TPT1: variants seen among roughly 807,000 people sequenced by gnomAD.
TPT1 encodes translationally-controlled tumor protein.
Under a neutral mutation model 22.8 loss-of-function variants are expected in TPT1, and 5 were observed. The observed-to-expected ratio is 0.22, with a 90% confidence interval of 0.11 to 0.46. The LOEUF (loss-of-function observed/expected upper bound fraction) is 0.46. Among genes scored for constraint, TPT1 ranks in the 20% least tolerant of loss-of-function variants. The pLI, the probability that TPT1 is intolerant of heterozygous loss-of-function variation, is 0.99. For missense variants in TPT1, 130 were observed against 218.7 expected (o/e 0.59, Z 2.56); for synonymous variants, 89 against 73.6 (o/e 1.21, Z -1.07).
At chr13:45,340,206 T>C (rs1350989012) in intron 2 of TPT1, 22 bp from the exon 3 acceptor site, 3 of 1,598,694 alleles carry the variant, frequency 1.9e-6, no homozygotes, top group East Asian at 4.5e-5. Context: ...AAAAGCAGTA[T>C]AATTGCAAAA....
intron 1 of TPT1, 58 bp from the exon 2 acceptor site, chr13:45,340,843 T>A: frequency 6.7e-7 from 1 of 1,484,314 alleles, no homozygotes; most frequent in South Asian, 1.4e-5. Context: ...TTTCCCGCAT[T>A]TCCCGCGCCG....
At position 45,340,754 on chromosome 13, in the gene TPT1, G is replaced by C. The variant is rs11552496; in HGVS notation, c.60C>G (p.Ile20Met). ...HDEMFSDIYK[I>M]REIADGLCLE... is the part of the protein sequence containing the mutation. ...GGCACAACCCGTCCGCGATCTCCCGGATCTTGTAGATGTCGGAGAACATCT... is the reference window on the plus strand; with the variant it reads ...GGCACAACCCGTCCGCGATCTCCCGCATCTTGTAGATGTCGGAGAACATCT... The change falls in exon 2 of 6, where the codon ATC (isoleucine) becomes ATG (methionine). Residue 20 changes from isoleucine to methionine, a missense_variant. Ile to Met is a conservative substitution (Grantham distance 10, BLOSUM62 1). Coordinates refer to ENST00000530705, the MANE Select transcript of TPT1 (RefSeq NM_003295.4). The C allele has an allele frequency of 3.9e-6, 6 of 1,519,492 alleles. No individual in the cohort carries two copies. Among genetic ancestry groups the C allele is most frequent in the Non-Finnish European group, 5.3e-6 (6 of 1,134,984 alleles). 94.1% of individuals were successfully genotyped at this position (1,519,492 alleles called of 1,614,324 possible).
intron 5 of TPT1, chr13:45,337,659 T>C (rs1408703850): frequency 8.5e-7 from 1 of 1,173,458 alleles, no homozygotes; most frequent in Non-Finnish European, 1.3e-6. Context: ...GGCTGTGGCA[T>C]GTACCACCCA....
At position 45,335,308 on chromosome 13, in the gene TPT1, C is replaced by T. The variant is rs926723056; in HGVS notation, c.*2078G>A. The T allele has an allele frequency of 6.6e-6, 1 of 152,110 alleles. No homozygotes were observed. 9.4% of individuals were successfully genotyped at this position (152,110 alleles called of 1,614,324 possible). On this transcript the variant is annotated 3_prime_UTR_variant, in exon 6 of 6. Coordinates refer to ENST00000530705, the MANE Select transcript of TPT1 (RefSeq NM_003295.4). ...ACATGATAAAATGCTATGTCCCAGC[C>T]TTGATTGGATCTGGATGTTGGGAAA...
chr13:45,341,157 G>C lies in TPT1; in HGVS notation c.-88C>G, dbSNP rs538072630. ...GCGCGGTGCAGCCGGAGCGGCGCTCGGGGGGAGGGGGGAGCGGGCGGAAAA... is the reference window on the plus strand; with the variant it reads ...GCGCGGTGCAGCCGGAGCGGCGCTCCGGGGGAGGGGGGAGCGGGCGGAAAA... On this transcript the variant is annotated 5_prime_UTR_variant, in exon 1 of 6. Coordinates refer to ENST00000530705, the MANE Select transcript of TPT1 (RefSeq NM_003295.4). 21 of 1,554,450 alleles carry C rather than the reference G, an allele frequency of 1.4e-5. No individual in the cohort carries two copies. The highest frequency in any genetic ancestry group is 6.9e-5 in the South Asian group (6 of 86,792).
chr13:45,340,437 G>A (rs771515017), intron 2 of TPT1: 2 of 739,566 alleles, frequency 2.7e-6, no homozygotes, highest in East Asian at 2.7e-5. Flanking sequence ...CCTCCGGTTG[G>A]TAAGTGGGGA....
At chr13:45,340,948 G>A (rs1008043729) in intron 1 of TPT1, 94 bp downstream of exon 1, 151 of 1,543,756 alleles carry the variant, frequency 9.8e-5, no homozygotes, top group Non-Finnish European at 1.1e-4. Flanking sequence ...GACCGCCGGC[G>A]TCCCCTAGGC....
rs1362797101 is a variant in TPT1 at position 45,335,588 on chromosome 13, T to C, written c.*1798A>G. ...TCATTTCAGAGGACAAAAGGCCCTG[T>C]AGATGAGACTCACACTTTTCATTAC... On this transcript the variant is annotated 3_prime_UTR_variant, in exon 6 of 6. Coordinates refer to ENST00000530705, the MANE Select transcript of TPT1 (RefSeq NM_003295.4). The C allele has an allele frequency of 6.6e-6, 1 of 152,162 alleles. No homozygotes were observed. The highest frequency in any genetic ancestry group is 1.9e-4 in the East Asian group (1 of 5,186). The allele number at this position is 152,162 out of a possible 1,614,324, so 9.4% of individuals were successfully genotyped here.
At chr13:45,338,818 A>G in intron 4 of TPT1, 42 bp from the exon 5 acceptor site, 1 of 1,490,200 alleles carries the variant, frequency 6.7e-7, no homozygotes. Context: ...ACTATTACAT[A>G]CAAATACATG....
At chr13:45,340,614 AGGC>A (rs2137553767) in intron 2 of TPT1, 95 bp downstream of exon 2, 1 of 1,345,634 alleles carries the variant, frequency 7.4e-7, no homozygotes, top group African/African-American at 1.4e-5. Flanking sequence ...CTCCGCCAGG[AGGC>A]GGCGGGGAGG....
At chr13:45,337,622 A>T in intron 5 of TPT1, 1 of 1,530,390 alleles carries the variant, frequency 6.5e-7, no homozygotes, top group Non-Finnish European at 8.9e-7. Flanking sequence ...CACCCTTACC[A>T]AATCAGCGGT....
chr13:45,340,596 A>G, intron 2 of TPT1, 116 bp downstream of exon 2: 3 of 1,221,540 alleles, frequency 2.5e-6, no homozygotes, highest in Middle Eastern at 1.9e-4. Flanking sequence ...GCCCGGAAAG[A>G]GCGTCTCCTC....
intron 5 of TPT1, 188 bp from the exon 6 acceptor site, chr13:45,337,576 C>T (rs1878788794): frequency 6.2e-7 from 1 of 1,607,092 alleles, no homozygotes; most frequent in Non-Finnish European, 8.5e-7. Flanking sequence ...AAAAGAACAA[C>T]AGTAAATTGT....
Position 45,339,516 on chromosome 13 carries a change from G to A in TPT1, c.380C>T (p.Ala127Val). 1.2e-6 allele frequency: 2 copies of A among 1,610,076 alleles called. No homozygotes were observed. The highest frequency in any genetic ancestry group is 1.7e-6 in the Non-Finnish European group (2 of 1,177,072). Residue 127 changes from alanine to valine, a missense_variant, in exon 4 of 6, where the codon GCT becomes GTT. Coordinates refer to ENST00000530705, the MANE Select transcript of TPT1 (RefSeq NM_003295.4). ...GAAEQIKHIL[A>V]NFKNYQFFIG... is the part of the protein sequence containing the mutation. ...ATTTACCTGGTAGTTTTTGAAATTA[G>A]CAAGGATGTGCTTGATTTGTTCTGC...
intron 4 of TPT1, chr13:45,339,160 A>G (rs1001169423): frequency 9.9e-6 from 3 of 302,980 alleles, no homozygotes; most frequent in African/African-American, 2.2e-5. Context: ...CTGGAAAATT[A>G]GAGGAAAGGG....
chr13:45,337,501 C>G (rs779305277), intron 5 of TPT1, 113 bp from the exon 6 acceptor site: 13 of 1,614,032 alleles, frequency 8.1e-6, no homozygotes, highest in Non-Finnish European at 1.1e-5. Context: ...CCAATTCAAT[C>G]TGGGCCGCCA....
chr13:45,335,288 A>G lies in TPT1; in HGVS notation c.*2098T>C, dbSNP rs1345765888. 2 of 152,218 alleles carry G rather than the reference A, an allele frequency of 1.3e-5. No individual in the cohort carries two copies. The highest frequency in any genetic ancestry group is 2.4e-5 in the African/African-American group (1 of 41,450). 9.4% of individuals were successfully genotyped at this position (152,218 alleles called of 1,614,324 possible). Reference sequence around the variant, plus strand: ...ATCACTTCTGACTTAAATAGACATGATAAAATGCTATGTCCCAGCCTTGAT... The same window carrying G: ...ATCACTTCTGACTTAAATAGACATGGTAAAATGCTATGTCCCAGCCTTGAT... On this transcript the variant is annotated 3_prime_UTR_variant, in exon 6 of 6. Coordinates refer to ENST00000530705, the MANE Select transcript of TPT1 (RefSeq NM_003295.4).
rs755836071 is a variant in TPT1, at chr13:45,339,536, T to C, written c.360A>G (p.Glu120=). 6 of 1,614,014 alleles carry C rather than the reference T, an allele frequency of 3.7e-6. No homozygotes were observed. The highest frequency in any genetic ancestry group is 1.3e-5 in the African/African-American group (1 of 75,066). Residue 120 remains glutamate (E), a synonymous_variant, in exon 4 of 6, where the codon GAA becomes GAG. Coordinates refer to ENST00000530705, the MANE Select transcript of TPT1 (RefSeq NM_003295.4). ...RVKPFMTGAA[E]QIKHILANFK... Reference sequence around the variant, plus strand: ...AATTAGCAAGGATGTGCTTGATTTGTTCTGCAGCCCCTGTCATAAAAGGTT... The same window carrying C: ...AATTAGCAAGGATGTGCTTGATTTGCTCTGCAGCCCCTGTCATAAAAGGTT...
Position 45,337,069 on chromosome 13 carries a change from G to T in TPT1, c.*317C>A. On this transcript the variant is annotated 3_prime_UTR_variant, in exon 6 of 6. Transcript: ENST00000530705. ...AGTCCCAGAAGTAGTCTCCACTGTA[G>T]AAGTTAATTGATGAGTAGTAGCCTA... is the stretch of plus-strand genomic sequence containing the variant. 1 of 389,010 alleles carries T rather than the reference G, an allele frequency of 2.6e-6. No homozygotes were observed. Among genetic ancestry groups the T allele is most frequent in the East Asian group, 5.2e-5 (1 of 19,242 alleles). 24.1% of individuals were successfully genotyped at this position (389,010 alleles called of 1,614,324 possible).
Sources: allele counts gnomAD v4.1 joint callset, GRCh38; gene constraint gnomAD v4.1.1; transcripts MANE v1.5; gene names NCBI Gene and HGNC (gene_info 2026-07-23, HGNC 2026-07-21).